Variants in CLDN10 observed in about 807,000 individuals in gnomAD.
The protein encoded by CLDN10 is claudin-10.
Under a neutral mutation model 22.9 loss-of-function variants are expected in CLDN10, and 15 were observed. The observed-to-expected ratio is 0.65, with a 90% CI of 0.44 to 1.01. The LOEUF (loss-of-function observed/expected upper bound fraction) is 1.01, where lower values mean the gene tolerates loss of function less well. Among genes scored for constraint, CLDN10 ranks in the 50% least tolerant of loss-of-function variants. The pLI, the probability that CLDN10 is intolerant of heterozygous loss-of-function variation, is 0.00. For missense variants in CLDN10, 247 were observed against 287.8 expected, an observed-to-expected ratio of 0.86 and a Z score of 1.03; for synonymous variants, 114 against 111.4, an observed-to-expected ratio of 1.02 and a Z score of -0.15.
intron 1 of CLDN10, among the ~76,000 whole-genome samples, chr13:95,526,051 T>C (rs1396076149): frequency 6.6e-6 from 1 of 152,214 alleles, no homozygotes; most frequent in Non-Finnish European, 1.5e-5. Flanking sequence ...CTGGAAGATA[T>C]TGTTAACTTT....
intron 1 of CLDN10, among the ~76,000 whole-genome samples, chr13:95,512,695 G>T (rs1007312449): frequency 7.2e-5 from 11 of 152,086 alleles, no homozygotes; most frequent in African/African-American, 2.7e-4. Context: ...CACCACGCTG[G>T]CCATGCTTTC....
At chr13:95,560,108 G>A (rs200161653) in intron 1 of CLDN10, 24 bp from the exon 2 acceptor site, 24 of 1,588,686 alleles carry the variant, frequency 1.5e-5, no homozygotes, top group South Asian at 4.5e-5. Context: ...TTTATGTAAC[G>A]TAAATGACCT....
At chr13:95,565,406 TC>T (rs1166868223) in intron 3 of CLDN10, among the ~76,000 whole-genome samples, 8 of 152,220 alleles carry the variant, frequency 5.3e-5, no homozygotes, top group Non-Finnish European at 1.2e-4. Context: ...TTAGACTTAT[TC>T]TTTTTTTGTA....
At chr13:95,553,245 G>C (rs1222792718) in intron 1 of CLDN10, among the ~76,000 whole-genome samples, 1 of 152,170 alleles carries the variant, frequency 6.6e-6, no homozygotes, top group Non-Finnish European at 1.5e-5. Context: ...AGGCGTCGGG[G>C]GATGGGGAAG....
intron 3 of CLDN10, among the ~76,000 whole-genome samples, chr13:95,564,031 TG>T (rs2043751741): frequency 6.6e-6 from 1 of 152,254 alleles, no homozygotes; most frequent in Non-Finnish European, 1.5e-5. Context: ...CTTCTGGTTT[TG>T]TTTGTACATG....
chr13:95,550,159 T>C (rs1485066296), upstream of CLDN10, among the ~76,000 whole-genome samples: 1 of 152,202 alleles, frequency 6.6e-6, no homozygotes, highest in African/African-American at 2.4e-5. Flanking sequence ...CAAGCAGGAA[T>C]TCAGAATTTG....
At chr13:95,535,626 C>T (rs920162405) in intron 1 of CLDN10, among the ~76,000 whole-genome samples, 39 of 151,832 alleles carry the variant, frequency 2.6e-4, no homozygotes, top group Admixed American at 2.1e-3. Flanking sequence ...TCCATACCTG[C>T]GAGCCACCAG....
At chr13:95,559,440 T>A (rs1471863426) in intron 1 of CLDN10, among the ~76,000 whole-genome samples, 2 of 152,254 alleles carry the variant, frequency 1.3e-5, no homozygotes, top group African/African-American at 4.8e-5. Context: ...GTTGACTTAA[T>A]CACTATAAAT....
At chr13:95,503,458 C>G (rs1248698218) in intron 1 of CLDN10, among the ~76,000 whole-genome samples, 1 of 152,130 alleles carries the variant, frequency 6.6e-6, no homozygotes, top group African/African-American at 2.4e-5. Context: ...AAAAATAAAA[C>G]TACCGTATGA....
intron 1 of CLDN10, among the ~76,000 whole-genome samples, chr13:95,499,848 C>T (rs888725210): frequency 1.3e-5 from 2 of 152,174 alleles, no homozygotes; most frequent in African/African-American, 2.4e-5. Flanking sequence ...CTTTTGGCTT[C>T]TCTGGGCCAC....
intron 1 of CLDN10, among the ~76,000 whole-genome samples, chr13:95,473,677 C>T (rs755802616): frequency 7.9e-5 from 12 of 152,212 alleles, no homozygotes; most frequent in East Asian, 1.9e-4. Context: ...GACCGGGTGC[C>T]GTCCCCAGAG....
intron 1 of CLDN10, among the ~76,000 whole-genome samples, chr13:95,463,285 A>AT (rs1555288952): frequency 3.5e-4 from 14 of 40,096 alleles, no homozygotes; most frequent in Admixed American, 1.5e-3. Context: ...GCAAATGCTT[A>AT]ATATATATAT....
At chr13:95,472,278 T>C (rs7988153) in intron 1 of CLDN10, among the ~76,000 whole-genome samples, 67,108 of 151,834 alleles carry the variant, frequency 0.44, 14,890 homozygotes, top group Middle Eastern at 0.53. Flanking sequence ...ATGAGGTTCT[T>C]TCTTTTTCAA....
chr13:95,436,137 G>T (rs2042268711), intron 1 of CLDN10, among the ~76,000 whole-genome samples: 1 of 151,984 alleles, frequency 6.6e-6, no homozygotes, highest in African/African-American at 2.4e-5. Flanking sequence ...ACAGAGTTAG[G>T]CATTTTATTA....
At chr13:95,512,131 G>T (rs7988195) in intron 1 of CLDN10, among the ~76,000 whole-genome samples, 1,282 of 8,682 alleles carry the variant, frequency 0.15, 2 homozygotes, top group East Asian at 0.3. Context: ...CTTTTTTTTT[G>T]GTTTTTGTTT....
intron 1 of CLDN10, among the ~76,000 whole-genome samples, chr13:95,436,640 C>T (rs545548093): frequency 6.6e-6 from 1 of 152,296 alleles, no homozygotes; most frequent in South Asian, 2.1e-4. Context: ...ATCTCTCTAC[C>T]TTCTTCATCC....
intron 1 of CLDN10, among the ~76,000 whole-genome samples, chr13:95,524,941 C>A (rs2043264966): frequency 6.6e-6 from 1 of 151,712 alleles, no homozygotes; most frequent in African/African-American, 2.4e-5. Context: ...CTCAACACAA[C>A]CTCCACCCCC....
chr13:95,455,384 G>A (rs903118481), intron 1 of CLDN10, among the ~76,000 whole-genome samples: 9 of 152,072 alleles, frequency 5.9e-5, no homozygotes, highest in Admixed American at 1.3e-4. Context: ...ATTGTTCATG[G>A]TTTATTTCTT....
chr13:95,513,726 T>C (rs547395751), intron 1 of CLDN10, among the ~76,000 whole-genome samples: 11 of 142,374 alleles, frequency 7.7e-5, no homozygotes, highest in African/African-American at 2.5e-4. Flanking sequence ...TTGATAAGCA[T>C]TGGACTAGGG....
Sources: allele counts gnomAD v4.1 joint callset (sites outside exome capture counted in the v4.1 genomes callset), GRCh38; gene constraint gnomAD v4.1.1; transcripts MANE v1.5; gene names NCBI Gene and HGNC (gene_info 2026-07-23, HGNC 2026-07-21).